Variants in VEPH1 observed in about 807,000 individuals in gnomAD.
The protein encoded by VEPH1 is ventricular zone expressed PH domain containing 1.
A neutral mutation model predicts 85.2 loss-of-function variants in VEPH1; 80 were observed. The ratio of observed to expected loss-of-function variants is 0.94; its 90% CI spans 0.78 to 1.13. The LOEUF is 1.13. Among genes scored for constraint, VEPH1 ranks in the 50% most tolerant of loss-of-function variants. The pLI is 0.00. For synonymous variants in VEPH1, 297 were observed against 348.0 expected, an observed-to-expected ratio of 0.85 and a Z score of 1.63; for missense variants, 955 against 980.5, an observed-to-expected ratio of 0.97 and a Z score of 0.35.
chr3:157,270,144 C>A (rs1257288836), intron 12 of VEPH1, among the ~76,000 whole-genome samples: 1 of 151,978 alleles, frequency 6.6e-6, no homozygotes, highest in Non-Finnish European at 1.5e-5. Flanking sequence ...CCTGTAGTCC[C>A]AGGTACTCAC....
At chr3:157,370,198 G>A (rs1727331714) in intron 7 of VEPH1, among the ~76,000 whole-genome samples, 1 of 152,180 alleles carries the variant, frequency 6.6e-6, no homozygotes, top group Admixed American at 6.5e-5. Context: ...TGTGTGAACG[G>A]GGACTTCCCT....
At chr3:157,366,826 C>T (rs372868530) in intron 7 of VEPH1, among the ~76,000 whole-genome samples, 5 of 152,240 alleles carry the variant, frequency 3.3e-5, no homozygotes, top group African/African-American at 1.2e-4. Flanking sequence ...GGGCTGGTAA[C>T]TAATTTTTTC....
chr3:157,495,583 GGA>G (rs1473587280), intron 1 of VEPH1, 77 bp from the exon 2 acceptor site: 79 of 910,508 alleles, frequency 8.7e-5, no homozygotes, highest in South Asian at 1.2e-4. Context: ...AGTGTCCAGC[GGA>G]GAGAGAGAGA....
rs1014483867 is a variant in VEPH1, at chr3:157,437,146, C to T, written c.530-8658G>A. On this transcript the variant is annotated intron_variant, in intron 4 of 13. Transcript: ENST00000362010. ...TAAATAACACACATATACTTTGTGG[C>T]CAGTGAGACAAGTTAAAAATTTATA... 12 of 1,519,428 alleles carry T rather than the reference C, an allele frequency of 7.9e-6. No homozygotes were observed. The African/African-American group carries it at 1.4e-4, about 18-fold the overall frequency. 94.1% of individuals were successfully genotyped at this position (1,519,428 alleles called of 1,614,324 possible).
Position 157,351,368 on chromosome 3 carries a change from C to G in VEPH1, c.1735+11996G>C, listed in dbSNP as rs116150676. Among the ~76,000 whole-genome samples the G allele has an allele frequency of 6.9e-3, 1,052 of 152,172 alleles. 19 individuals carry two copies. Among genetic ancestry groups the G allele is most frequent in the African/African-American group, 0.024 (994 of 41,540 alleles). On this transcript the variant is annotated intron_variant, in intron 9 of 13. Transcript: ENST00000362010. The stretch of plus-strand genomic sequence containing the variant: ...AGTTGAGGCAGGAGAATCGCTTGAA[C>G]ATTCACGAACATCACTTGAACATCC...
At chr3:157,334,303 A>G (rs1227091848) in intron 9 of VEPH1, among the ~76,000 whole-genome samples, 1 of 152,220 alleles carries the variant, frequency 6.6e-6, no homozygotes, top group Non-Finnish European at 1.5e-5. Flanking sequence ...TTCTCGGGAT[A>G]TACCATGAAT....
intron 4 of VEPH1, among the ~76,000 whole-genome samples, chr3:157,456,723 G>T (rs901148748): frequency 6.6e-6 from 1 of 151,852 alleles, no homozygotes; most frequent in African/African-American, 2.4e-5. Context: ...CTGTTCTATT[G>T]GTCTATGCGT....
intron 11 of VEPH1, among the ~76,000 whole-genome samples, chr3:157,303,794 C>T (rs1719105476): frequency 6.6e-6 from 1 of 151,928 alleles, no homozygotes. Flanking sequence ...ACCATTGCCA[C>T]TTAGAAACTG....
chr3:157,444,997 T>A (rs1734431334), intron 4 of VEPH1, among the ~76,000 whole-genome samples: 1 of 152,184 alleles, frequency 6.6e-6, no homozygotes, highest in Non-Finnish European at 1.5e-5. Flanking sequence ...CAGAGTAAAT[T>A]CTATATTTTT....
intron 4 of VEPH1, among the ~76,000 whole-genome samples, chr3:157,436,461 A>G (rs1372687365): frequency 6.6e-6 from 1 of 152,180 alleles, no homozygotes; most frequent in East Asian, 1.9e-4. Context: ...AAAGTTTTCT[A>G]TATATAAAGG....
chr3:157,363,196 T>A lies in VEPH1; in HGVS notation c.1735+168A>T, dbSNP rs553501828. On this transcript the variant is annotated intron_variant, in intron 9 of 13. Transcript: ENST00000362010. ...ATGGGAATCAAGATGATCAACCTTT[T>A]CTTGGGAAAAAAAAAAAAAAAACTA... 8 of 577,628 alleles carry A rather than the reference T, an allele frequency of 1.4e-5. No individual in the cohort carries two copies. In the South Asian group the frequency reaches 2.9e-4, roughly 21 times the overall value. The allele number at this position is 577,628 out of a possible 1,614,324, so 35.8% of individuals were successfully genotyped here.
intron 11 of VEPH1, among the ~76,000 whole-genome samples, chr3:157,308,039 A>G (rs1414596174): frequency 6.6e-6 from 1 of 151,726 alleles, no homozygotes; most frequent in Admixed American, 6.6e-5. Context: ...TTATATGTTG[A>G]TCTTATATCA....
intron 10 of VEPH1, chr3:157,316,138 T>C (rs1720731817): frequency 1.3e-5 from 2 of 152,126 alleles, no homozygotes; most frequent in Non-Finnish European, 2.9e-5. Context: ...TAAAATTCAT[T>C]ATTTCCCAAT....
chr3:157,336,420 G>C (rs1204472713), intron 9 of VEPH1, among the ~76,000 whole-genome samples: 1 of 152,108 alleles, frequency 6.6e-6, no homozygotes, highest in Non-Finnish European at 1.5e-5. Flanking sequence ...TGGATAAAAT[G>C]CTTCCTATAT....
intron 2 of VEPH1, among the ~76,000 whole-genome samples, chr3:157,491,185 C>G (rs565265184): frequency 6.6e-6 from 1 of 152,224 alleles, no homozygotes; most frequent in African/African-American, 2.4e-5. Flanking sequence ...AAGAGACATG[C>G]AGGGATTTTC....
At chr3:157,404,120 G>GTCATCAGA (rs1443110517) in intron 6 of VEPH1, among the ~76,000 whole-genome samples, 2 of 152,122 alleles carry the variant, frequency 1.3e-5, no homozygotes, top group African/African-American at 4.8e-5. Context: ...AACCTGCCAT[G>GTCATCAGA]TCATCAGATG....
chr3:157,393,511 A>C (rs1230448078), intron 6 of VEPH1, among the ~76,000 whole-genome samples: 1 of 152,220 alleles, frequency 6.6e-6, no homozygotes, highest in Admixed American at 6.5e-5. Flanking sequence ...GAATTTAAAA[A>C]TAAGTTACTT....
chr3:157,493,895 A>G (rs1739434557), intron 2 of VEPH1, among the ~76,000 whole-genome samples: 2 of 152,206 alleles, frequency 1.3e-5, no homozygotes, highest in Admixed American at 1.3e-4. Flanking sequence ...TTTTCCTAGT[A>G]AGAAGATGAA....
chr3:157,492,011 C>T (rs937856431), intron 2 of VEPH1, among the ~76,000 whole-genome samples: 4 of 151,946 alleles, frequency 2.6e-5, no homozygotes, highest in African/African-American at 4.8e-5. Context: ...GTAGGCCATA[C>T]CTGGGAGCTT....
Sources: gnomAD v4.1 joint callset for allele counts (sites outside exome capture counted in the v4.1 genomes callset) on GRCh38, gnomAD v4.1.1 for gene constraint, MANE v1.5 for transcripts, NCBI Gene and HGNC (gene_info 2026-07-23, HGNC 2026-07-21) for gene names.